TBX5: variants seen among roughly 807,000 people sequenced by gnomAD.
The protein encoded by TBX5 is T-box transcription factor 5.
A neutral mutation model predicts 51.1 loss-of-function variants in TBX5; 8 were observed. That is an observed-to-expected ratio of 0.16 (90% confidence interval 0.09 to 0.28). The LOEUF is 0.28. TBX5 is among the 10% of genes least tolerant of loss of function. TBX5 has a pLI of 1.00. For synonymous variants in TBX5, 302 were observed against 266.4 expected, an observed-to-expected ratio of 1.13 and a Z score of -1.30; for missense variants, 589 against 671.7, an observed-to-expected ratio of 0.88 and a Z score of 1.36.
intron 5 of TBX5, 75 bp from the exon 6 acceptor site, chr12:114,394,968 G>T: frequency 6.7e-7 from 1 of 1,501,638 alleles, no homozygotes; most frequent in Non-Finnish European, 9.2e-7. Context: ...CCTGCTCCCC[G>T]CCCTCTAAAT....
At position 114,393,091 on chromosome 12, in the gene TBX5, G is replaced by A. The variant is rs145499300; in HGVS notation, c.663+1650C>T. ...AGCCACAGCATTTTGGAACAGTCCC[G>A]GCCTCAGTTGGGGTATTCTCTGCCA... On this transcript the variant is annotated intron_variant, in intron 6 of 8. Transcript: ENST00000405440. Among the ~76,000 whole-genome samples the A allele has an allele frequency of 6.6e-5, 10 of 152,204 alleles. No homozygotes were observed. The East Asian group carries it at 1.2e-3, about 18-fold the overall frequency.
At chr12:114,403,967 T>TG in intron 1 of TBX5, 31 bp from the exon 2 acceptor site, 1 of 1,576,770 alleles carries the variant, frequency 6.3e-7, no homozygotes, top group Non-Finnish European at 8.6e-7. Flanking sequence ...GAGATGGGGG[T>TG]GGGGAGGACA....
chr12:114,391,458 A>G (rs1314470237), intron 6 of TBX5, among the ~76,000 whole-genome samples: 2 of 152,210 alleles, frequency 1.3e-5, no homozygotes, highest in African/African-American at 4.8e-5. Flanking sequence ...TCAATGGTCC[A>G]TCAATCATTA....
chr12:114,373,459 GT>G (rs1870028438), intron 7 of TBX5, among the ~76,000 whole-genome samples: 1 of 152,172 alleles, frequency 6.6e-6, no homozygotes, highest in South Asian at 2.1e-4. Flanking sequence ...GCTAAAGTTT[GT>G]TTGTTTGTGT....
rs1389151471 is a variant in TBX5 at position 114,355,284 on chromosome 12, G to A, written c.*248C>T. The A allele has an allele frequency of 1.8e-6, 1 of 559,852 alleles. No individual in the cohort carries two copies. Among genetic ancestry groups the A allele is most frequent in the Non-Finnish European group, 3.3e-6 (1 of 301,550 alleles). 34.7% of individuals were successfully genotyped at this position (559,852 alleles called of 1,614,324 possible). ...GATGGGTGTGGTGGTAGTGGGGGGT[G>A]GGACTCATCTTTTTGTGTTTGTTTT... On this transcript the variant is annotated 3_prime_UTR_variant, in exon 9 of 9. Coordinates refer to ENST00000405440, the MANE Select transcript of TBX5 (RefSeq NM_181486.4).
At chr12:114,407,357 G>A (rs1872294916), upstream of TBX5, among the ~76,000 whole-genome samples, 1 of 152,184 alleles carries the variant, frequency 6.6e-6, no homozygotes, top group Non-Finnish European at 1.5e-5. Flanking sequence ...TAGGCTTGCT[G>A]GCAAGGCGAC....
At chr12:114,404,036 G>A in intron 1 of TBX5, 100 bp from the exon 2 acceptor site, 1 of 1,350,460 alleles carries the variant, frequency 7.4e-7, no homozygotes, top group Non-Finnish European at 1.0e-6. Flanking sequence ...GGAGCAGTTT[G>A]GCCCCCAGTT....
intron 7 of TBX5, among the ~76,000 whole-genome samples, chr12:114,373,715 C>A (rs529897502): frequency 6.1e-4 from 93 of 152,262 alleles, no homozygotes; most frequent in African/African-American, 2.0e-3. Context: ...CCTCGGCCTC[C>A]CAAAGTGCTA....
At chr12:114,398,774 A>C in intron 4 of TBX5, 54 bp from the exon 5 acceptor site, 14 of 1,566,012 alleles carry the variant, frequency 8.9e-6, no homozygotes, top group Non-Finnish European at 1.2e-5. Context: ...GAGGTAGCGC[A>C]CTGCACCGAA....
chr12:114,399,490 C>G, intron 4 of TBX5, 23 bp downstream of exon 4: 1 of 1,613,946 alleles, frequency 6.2e-7, no homozygotes. Context: ...TCTCCCCGCT[C>G]CACCTGCCAC....
chr12:114,406,665 A>G (rs983058149), upstream of TBX5, among the ~76,000 whole-genome samples: 5 of 152,104 alleles, frequency 3.3e-5, no homozygotes, highest in Non-Finnish European at 7.4e-5. Context: ...GGCCGAGATC[A>G]AAGATGCTAA....
chr12:114,368,531 C>A (rs1231661082), intron 7 of TBX5, among the ~76,000 whole-genome samples: 1 of 152,130 alleles, frequency 6.6e-6, no homozygotes, highest in African/African-American at 2.4e-5. Context: ...AGTTGAGGCC[C>A]AGGGAGATGA....
chr12:114,376,575 G>A (rs776636919), intron 7 of TBX5, among the ~76,000 whole-genome samples: 3 of 151,628 alleles, frequency 2.0e-5, no homozygotes, highest in Admixed American at 6.6e-5. Flanking sequence ...GAGAGCTAAC[G>A]TACAGCAATG....
chr12:114,385,605 C>T lies in TBX5; in HGVS notation c.664-38G>A, dbSNP rs548159790. On this transcript the variant is annotated intron_variant, in intron 6 of 8. Transcript: ENST00000405440. The stretch of plus-strand genomic sequence containing the variant: ...GGAAGAGAGAACAAGCTGGTTTTCA[C>T]TTGATTGCTGCAAGACCACCTCAGG... The T allele has an allele frequency of 5.8e-6, 9 of 1,557,336 alleles. No individual in the cohort carries two copies. In the South Asian group the frequency reaches 7.8e-5, roughly 13 times the overall value.
intron 7 of TBX5, among the ~76,000 whole-genome samples, chr12:114,371,138 A>G (rs1869879196): frequency 1.3e-5 from 2 of 152,324 alleles, no homozygotes; most frequent in South Asian, 2.1e-4. Context: ...CACCCGGGCA[A>G]TATCAAGATC....
At chr12:114,383,176 C>T (rs1870607257) in intron 7 of TBX5, among the ~76,000 whole-genome samples, 2 of 151,990 alleles carry the variant, frequency 1.3e-5, no homozygotes, top group Non-Finnish European at 2.9e-5. Flanking sequence ...GTTTGAGGGG[C>T]TGATTCCCAG....
intron 3 of TBX5, among the ~76,000 whole-genome samples, chr12:114,400,899 G>T (rs989208388): frequency 6.6e-6 from 1 of 152,190 alleles, no homozygotes; most frequent in Non-Finnish European, 1.5e-5. Flanking sequence ...GAGAACGGGG[G>T]CGGGGGGCGT....
chr12:114,399,383 C>T (rs1871646688), intron 4 of TBX5, 130 bp downstream of exon 4: 2 of 1,314,498 alleles, frequency 1.5e-6, no homozygotes, highest in Non-Finnish European at 1.1e-6. Flanking sequence ...ATGGGATAGG[C>T]GGACAGACGC....
At position 114,403,744 on chromosome 12, in the gene TBX5, C is replaced by A; in HGVS notation, c.147+8G>T. 2 of 1,612,992 alleles carry A rather than the reference C, an allele frequency of 1.2e-6. No individual in the cohort carries two copies. The highest frequency in any genetic ancestry group is 1.1e-5 in the South Asian group (1 of 91,052). ...TGCAAAGGGACCCGAAGCGCGAGGTCTCCTTACCTGCTGGGTGAAGGCGGC... is the reference window on the plus strand; with the variant it reads ...TGCAAAGGGACCCGAAGCGCGAGGTATCCTTACCTGCTGGGTGAAGGCGGC... On this transcript the variant is annotated splice_region_variant and intron_variant, in intron 2 of 8. Transcript: ENST00000405440.
Sources: allele counts gnomAD v4.1 joint callset (sites outside exome capture counted in the v4.1 genomes callset), GRCh38; gene constraint gnomAD v4.1.1; transcripts MANE v1.5; gene names NCBI Gene and HGNC (gene_info 2026-07-23, HGNC 2026-07-21).